MAML3: variants seen among roughly 807,000 people sequenced by gnomAD.
MAML3 encodes mastermind like transcriptional coactivator 3.
In MAML3, 27 loss-of-function variants were observed where a neutral mutation model predicts 101.9. That is an observed-to-expected ratio of 0.27 (90% CI 0.20 to 0.37). The LOEUF is 0.37. Ranked by LOEUF, MAML3 falls within the 10% of genes least tolerant of loss-of-function variation. The probability of loss-of-function intolerance (pLI) is 1.00; values close to 1 mark genes in which losing one functional copy is unlikely to be tolerated. For synonymous variants in MAML3, 501 were observed against 555.9 expected, an observed-to-expected ratio of 0.90 and a Z score of 1.39; for missense variants, 1,316 against 1,444.9, an observed-to-expected ratio of 0.91 and a Z score of 1.45.
intron 1 of MAML3, among the ~76,000 whole-genome samples, chr4:140,034,811 T>C (rs1258080639): frequency 2.6e-5 from 4 of 152,226 alleles, no homozygotes; most frequent in Non-Finnish European, 5.9e-5. Flanking sequence ...GCTTGTCTAA[T>C]TCCAGGAAGT....
intron 2 of MAML3, among the ~76,000 whole-genome samples, chr4:139,800,679 T>C (rs930091481): frequency 6.6e-6 from 1 of 152,210 alleles, no homozygotes; most frequent in African/African-American, 2.4e-5. Context: ...TTTGTTTTCA[T>C]TTGAAAACTC....
chr4:139,889,728 G>T lies in MAML3; in HGVS notation c.1708C>A (p.Leu570Ile). ...NLQKTTMNNYLPQNHMNMINQ... is the reference protein window; with the variant it reads ...NLQKTTMNNYIPQNHMNMINQ... ...ATCATATTCATGTGATTCTGAGGGA[G>T]GTAGTTATTCATTGTTGTCTTCTGC... The change falls in exon 2 of 5, where the codon CTC becomes ATC. Residue 570 changes from leucine to isoleucine, a missense_variant. Coordinates refer to ENST00000509479, the MANE Select transcript of MAML3 (RefSeq NM_018717.5). 6.2e-7 allele frequency: 1 copy of T among 1,613,996 alleles called. No individual in the cohort carries two copies. The highest frequency in any genetic ancestry group is 1.1e-5 in the South Asian group (1 of 91,086).
At chr4:139,733,571 A>AC (rs1491524990) in intron 2 of MAML3, among the ~76,000 whole-genome samples, 1 of 152,074 alleles carries the variant, frequency 6.6e-6, no homozygotes, top group Non-Finnish European at 1.5e-5. Context: ...AAAAAAAAAA[A>AC]AAAACCCTCC....
intron 1 of MAML3, among the ~76,000 whole-genome samples, chr4:139,990,208 A>C (rs897571492): frequency 4.6e-5 from 7 of 152,326 alleles, no homozygotes; most frequent in Middle Eastern, 3.4e-3. Flanking sequence ...TAAGAAAATG[A>C]AGTGGGCTTC....
At chr4:139,930,751 T>G (rs1013714514) in intron 1 of MAML3, among the ~76,000 whole-genome samples, 5 of 152,174 alleles carry the variant, frequency 3.3e-5, no homozygotes, top group African/African-American at 1.2e-4. Flanking sequence ...TATGTTTAAA[T>G]GAGGAGTAAC....
chr4:139,873,087 A>AC (rs1732046698), intron 2 of MAML3, among the ~76,000 whole-genome samples: 1 of 151,454 alleles, frequency 6.6e-6, no homozygotes, highest in Non-Finnish European at 1.5e-5. Flanking sequence ...ATCTCAAAAA[A>AC]TAAATAAATA....
At chr4:139,859,851 A>G (rs1731735022) in intron 2 of MAML3, among the ~76,000 whole-genome samples, 1 of 152,224 alleles carries the variant, frequency 6.6e-6, no homozygotes, top group Non-Finnish European at 1.5e-5. Flanking sequence ...CTTCCAAAAA[A>G]TCGACATCGA....
intron 2 of MAML3, among the ~76,000 whole-genome samples, chr4:139,850,229 C>T (rs994835059): frequency 2.0e-5 from 3 of 152,094 alleles, no homozygotes; most frequent in Non-Finnish European, 4.4e-5. Flanking sequence ...TAGATGTAAA[C>T]ATTTAAATAA....
intron 1 of MAML3, among the ~76,000 whole-genome samples, chr4:139,980,976 G>A (rs528692466): frequency 3.9e-5 from 6 of 152,140 alleles, no homozygotes; most frequent in Admixed American, 6.6e-5. Flanking sequence ...TCTGGGTTGG[G>A]AACAGAAAGA....
intron 2 of MAML3, among the ~76,000 whole-genome samples, chr4:139,779,665 G>A (rs1730162880): frequency 6.6e-6 from 1 of 152,220 alleles, no homozygotes; most frequent in African/African-American, 2.4e-5. Flanking sequence ...GGACAGACCG[G>A]AACACGGACT....
chr4:139,995,853 T>C (rs1734798133), intron 1 of MAML3, among the ~76,000 whole-genome samples: 1 of 152,022 alleles, frequency 6.6e-6, no homozygotes, highest in African/African-American at 2.4e-5. Flanking sequence ...CATTTGCTTT[T>C]TTCTAGTTGC....
chr4:140,047,508 G>A (rs1425517337), intron 1 of MAML3, among the ~76,000 whole-genome samples: 2 of 152,224 alleles, frequency 1.3e-5, no homozygotes, highest in African/African-American at 4.8e-5. Context: ...GCGGAGCCAG[G>A]ACGTGGCTCA....
chr4:139,717,873 T>TGACA lies in MAML3; in HGVS notation c.*1446_*1449dup, dbSNP rs1728052886. Reference sequence around the variant, plus strand: ...GGCAAGGAGCCTTGTTGATTCCTTCTGACAGATTTCGCTTAGGGCAGATGT... The same window carrying TGACA: ...GGCAAGGAGCCTTGTTGATTCCTTCTGACAGACAGATTTCGCTTAGGGCAGATGT... On this transcript the variant is annotated 3_prime_UTR_variant, in exon 5 of 5. Coordinates refer to ENST00000509479, the MANE Select transcript of MAML3 (RefSeq NM_018717.5). 2 of 152,108 alleles carry TGACA rather than the reference T, an allele frequency of 1.3e-5. No homozygotes were observed. The highest frequency in any genetic ancestry group is 2.9e-5 in the Non-Finnish European group (2 of 68,054). 9.4% of individuals were successfully genotyped at this position (152,108 alleles called of 1,614,324 possible).
intron 1 of MAML3, among the ~76,000 whole-genome samples, chr4:140,097,557 A>G (rs1235889232): frequency 6.6e-6 from 1 of 152,170 alleles, no homozygotes; most frequent in Non-Finnish European, 1.5e-5. Context: ...GTTGGGAAGT[A>G]TTAAAGGGAA....
chr4:139,774,071 G>C (rs1730046833), intron 2 of MAML3, among the ~76,000 whole-genome samples: 1 of 152,176 alleles, frequency 6.6e-6, no homozygotes, highest in Admixed American at 6.5e-5. Flanking sequence ...TTACAAACAA[G>C]GACAAGAGAT....
At position 139,722,851 on chromosome 4, in the gene MAML3, A is replaced by G. The variant is rs542687816; in HGVS notation, c.2417-2528T>C. On this transcript the variant is annotated intron_variant, in intron 4 of 4. Transcript: ENST00000509479. ...GCTATTTTCCCAGATGCATAACATC[A>G]TGCTATCTAGGGTGTCTGTAAACAC... Among the ~76,000 whole-genome samples, 136 of 152,358 alleles carry G rather than the reference A, an allele frequency of 8.9e-4. 1 individual carries two copies. Among genetic ancestry groups the G allele is most frequent in the Middle Eastern group, 6.8e-3 (2 of 294 alleles).
At chr4:140,033,393 C>A (rs1275101349) in intron 1 of MAML3, among the ~76,000 whole-genome samples, 1 of 149,860 alleles carries the variant, frequency 6.7e-6, no homozygotes, top group Non-Finnish European at 1.5e-5. Flanking sequence ...AAGGGCTCAG[C>A]CTTGAAAAAA....
At chr4:140,047,908 G>A (rs1442724397) in intron 1 of MAML3, among the ~76,000 whole-genome samples, 1 of 152,000 alleles carries the variant, frequency 6.6e-6, no homozygotes. Flanking sequence ...CTTTAACTTC[G>A]TGATACTAAG....
chr4:139,788,734 G>A lies in MAML3; in HGVS notation c.2080-58067C>T, dbSNP rs114886424. 2.2e-3 allele frequency among the ~76,000 whole-genome samples: 331 copies of A among 152,348 alleles called. 3 individuals are homozygous for A. The highest frequency in any genetic ancestry group is 7.7e-3 in the African/African-American group (322 of 41,576). Reference sequence around the variant, plus strand: ...TTTTCTTAGAAATTTCCGTCAAAGAGGACATGCCTCCTTCTTTTGTTCCTA... The same window carrying A: ...TTTTCTTAGAAATTTCCGTCAAAGAAGACATGCCTCCTTCTTTTGTTCCTA... On this transcript the variant is annotated intron_variant, in intron 2 of 4. Transcript: ENST00000509479.
Sources: allele counts gnomAD v4.1 joint callset (sites outside exome capture counted in the v4.1 genomes callset), GRCh38; gene constraint gnomAD v4.1.1; transcripts MANE v1.5; gene names NCBI Gene and HGNC (gene_info 2026-07-23, HGNC 2026-07-21).